BNC2: variants seen among roughly 807,000 people sequenced by gnomAD.
BNC2 encodes the protein zinc finger protein basonuclin-2.
Under a neutral mutation model 76.3 loss-of-function variants are expected in BNC2, and 20 were observed. The observed-to-expected ratio is 0.26, with a 90% confidence interval of 0.18 to 0.38. The LOEUF is 0.38. Among genes scored for constraint, BNC2 ranks in the 10% least tolerant of loss-of-function variants. The pLI is 1.00. For missense variants in BNC2, 1,382 were observed against 1,399.8 expected (o/e 0.99, Z 0.20); for synonymous variants, 582 against 514.8 (o/e 1.13, Z -1.77).
At chr9:16,589,362 T>A (rs187315547) in intron 3 of BNC2, among the ~76,000 whole-genome samples, 99 of 151,872 alleles carry the variant, frequency 6.5e-4, no homozygotes, top group African/African-American at 2.2e-3. Flanking sequence ...ATTTTTGTAT[T>A]TTCAGTAGAG....
chr9:16,509,513 A>G (rs928807130), intron 5 of BNC2, among the ~76,000 whole-genome samples: 3 of 152,204 alleles, frequency 2.0e-5, no homozygotes, highest in African/African-American at 4.8e-5. Flanking sequence ...GTTTTCTAAA[A>G]CAGTATTAAG....
intron 3 of BNC2, among the ~76,000 whole-genome samples, chr9:16,661,298 G>C (rs896237334): frequency 6.6e-6 from 1 of 152,110 alleles, no homozygotes; most frequent in Non-Finnish European, 1.5e-5. Flanking sequence ...TTAACTGTTT[G>C]AACTTACTTG....
chr9:16,757,724 GA>G (rs1554724021), intron 1 of BNC2, among the ~76,000 whole-genome samples: 30 of 109,888 alleles, frequency 2.7e-4, no homozygotes, highest in African/African-American at 7.3e-4. Context: ...ATTTTAAAAA[GA>G]AAAAAAAAAA....
Position 16,411,642 on chromosome 9 carries a change from C to A in BNC2, c.*7347G>T, listed in dbSNP as rs1379392366. 6.6e-6 allele frequency: 1 copy of A among 152,602 alleles called. No individual in the cohort carries two copies. The highest frequency in any genetic ancestry group is 2.4e-5 in the African/African-American group (1 of 41,424). 9.5% of individuals were successfully genotyped at this position (152,602 alleles called of 1,614,324 possible). A position where few individuals can be genotyped will look rare whatever the true frequency, so the allele number is the denominator to read the frequency against. On this transcript the variant is annotated 3_prime_UTR_variant, in exon 7 of 7. Coordinates refer to ENST00000380672, the MANE Select transcript of BNC2 (RefSeq NM_017637.6). The stretch of plus-strand genomic sequence containing the variant: ...ATTGCCTTTGCTCGAACCCAAGAGT[C>A]CTTGCTCAAAGTGCTTTTCTTCCCA...
chr9:16,482,256 G>C (rs1822072388), intron 5 of BNC2, among the ~76,000 whole-genome samples: 1 of 152,056 alleles, frequency 6.6e-6, no homozygotes, highest in Non-Finnish European at 1.5e-5. Flanking sequence ...GCATCATAAA[G>C]GATACTTCTG....
rs760648193 is a variant in BNC2 at position 16,658,968 on chromosome 9, C to T, written c.330+68829G>A. Among the ~76,000 whole-genome samples the T allele has an allele frequency of 4.6e-5, 7 of 152,328 alleles. No individual in the cohort carries two copies. The South Asian group carries it at 1.0e-3, about 23-fold the overall frequency. On this transcript the variant is annotated intron_variant, in intron 3 of 6. Transcript: ENST00000380672. ...CAGAAAAATACATTACGCCGATACA[C>T]AAACCATTGATCATCGCAACTGTCT...
chr9:16,428,666 CT>C (rs1031002383), intron 6 of BNC2, among the ~76,000 whole-genome samples: 3 of 151,428 alleles, frequency 2.0e-5, no homozygotes, highest in African/African-American at 7.3e-5. Flanking sequence ...AAACACTTGT[CT>C]TTTTTTTTCT....
At chr9:16,860,135 G>A (rs1227515692) in intron 1 of BNC2, among the ~76,000 whole-genome samples, 1 of 151,718 alleles carries the variant, frequency 6.6e-6, no homozygotes, top group Non-Finnish European at 1.5e-5. Flanking sequence ...AAAAAAAAAG[G>A]ATTAACAAGA....
chr9:16,656,446 G>A (rs1026778605), intron 3 of BNC2, among the ~76,000 whole-genome samples: 1 of 152,130 alleles, frequency 6.6e-6, no homozygotes, highest in Non-Finnish European at 1.5e-5. Context: ...ACAGCCTCAA[G>A]AATGTTGAAA....
At chr9:16,621,733 G>A (rs576328896) in intron 3 of BNC2, among the ~76,000 whole-genome samples, 2 of 152,082 alleles carry the variant, frequency 1.3e-5, no homozygotes, top group South Asian at 2.1e-4. Flanking sequence ...TATTGACCAC[G>A]TGAAATGTGG....
rs193052834 is a variant in BNC2, at chr9:16,610,695, G to A, written c.331-27610C>T. 1.8e-3 allele frequency among the ~76,000 whole-genome samples: 273 copies of A among 152,242 alleles called. 1 individual carries two copies. The highest frequency in any genetic ancestry group is 6.3e-3 in the African/African-American group (261 of 41,540). On this transcript the variant is annotated intron_variant, in intron 3 of 6. Transcript: ENST00000380672. ...GTATTTCACCTTTCCTTGCTTCACA[G>A]TTGAAGAAACGCAACACTCAGAAGA...
chr9:16,502,168 G>T (rs1822532821), intron 5 of BNC2, among the ~76,000 whole-genome samples: 1 of 152,058 alleles, frequency 6.6e-6, no homozygotes, highest in Non-Finnish European at 1.5e-5. Context: ...TTTGAGACTA[G>T]CCTGGGCAAC....
In BNC2 at chr9:16,471,311, T is replaced by A. The variant is rs867135701; in HGVS notation, c.670-33787A>T. On this transcript the variant is annotated intron_variant, in intron 5 of 6. Coordinates refer to ENST00000380672, the MANE Select transcript of BNC2 (RefSeq NM_017637.6). ...CTTTTGATTTTTTTTTTTTTTTTTT[T>A]AAGATAGAGTCTCACTCTGTTGCCC... 3.8e-3 allele frequency among the ~76,000 whole-genome samples: 563 copies of A among 147,386 alleles called. 2 individuals carry two copies. The highest frequency in any genetic ancestry group is 0.017 in the Middle Eastern group (5 of 286).
intron 1 of BNC2, among the ~76,000 whole-genome samples, chr9:16,744,049 C>G (rs1479868022): frequency 6.6e-6 from 1 of 152,204 alleles, no homozygotes; most frequent in Non-Finnish European, 1.5e-5. Flanking sequence ...TCACTGCAAG[C>G]TCCGCCTCCC....
intron 1 of BNC2, among the ~76,000 whole-genome samples, chr9:16,855,396 A>G (rs534612987): frequency 1.3e-5 from 2 of 152,244 alleles, no homozygotes; most frequent in Non-Finnish European, 2.9e-5. Context: ...CACATACATC[A>G]TAGAAATTCA....
At chr9:16,540,745 G>T (rs945597116) in intron 5 of BNC2, among the ~76,000 whole-genome samples, 11 of 152,230 alleles carry the variant, frequency 7.2e-5, no homozygotes, top group African/African-American at 2.6e-4. Context: ...CTACAAAGGC[G>T]CTAATGACAT....
intron 3 of BNC2, among the ~76,000 whole-genome samples, chr9:16,709,146 G>A (rs1468735359): frequency 6.6e-6 from 1 of 152,178 alleles, no homozygotes; most frequent in African/African-American, 2.4e-5. Context: ...TATTTGGGCT[G>A]AAGTGTTGGT....
At position 16,751,620 on chromosome 9, in the gene BNC2, A is replaced by ATATG. The variant is rs1554722612; in HGVS notation, c.4-13136_4-13135insCATA. On this transcript the variant is annotated intron_variant, in intron 1 of 6. Transcript: ENST00000380672. ...CCCCAGCACAAATATATATATGTGT[A>ATATG]TATATATATGTATGTATATATGTAT... Among the ~76,000 whole-genome samples, 4 of 8,490 alleles carry ATATG rather than the reference A, an allele frequency of 4.7e-4. No individual in the cohort carries two copies. The East Asian group carries it at 7.5e-3, about 16-fold the overall frequency. The allele number at this position is 8,490 out of a possible 152,430, so 5.6% of individuals were successfully genotyped here.
chr9:16,800,445 C>T (rs1210179012), intron 1 of BNC2, among the ~76,000 whole-genome samples: 2 of 151,940 alleles, frequency 1.3e-5, no homozygotes, highest in East Asian at 3.9e-4. Flanking sequence ...CAAATCCTGT[C>T]TAATAAAGTT....
Sources: gnomAD v4.1 joint callset for allele counts (sites outside exome capture counted in the v4.1 genomes callset) on GRCh38, gnomAD v4.1.1 for gene constraint, MANE v1.5 for transcripts, NCBI Gene and HGNC (gene_info 2026-07-23, HGNC 2026-07-21) for gene names.